PDE4D: variants seen among roughly 807,000 people sequenced by gnomAD.
PDE4D encodes the protein phosphodiesterase 4D.
In PDE4D, 24 loss-of-function variants were observed where a neutral mutation model predicts 87.4. The observed-to-expected ratio is 0.27, with a 90% CI of 0.20 to 0.39. The LOEUF (loss-of-function observed/expected upper bound fraction) is 0.39, where lower values mean the gene tolerates loss of function less well. PDE4D is among the 10% of genes least tolerant of loss of function. The pLI is 1.00. For synonymous variants in PDE4D, 384 were observed against 383.2 expected (o/e 1.00, Z -0.02); for missense variants, 714 against 1,041.0 (o/e 0.69, Z 4.32).
intron 2 of PDE4D, among the ~76,000 whole-genome samples, chr5:60,088,162 C>T (rs1042803030): frequency 1.3e-5 from 2 of 151,618 alleles, no homozygotes; most frequent in African/African-American, 4.8e-5. Flanking sequence ...GAAAACTATC[C>T]TTTAAACAGG....
At chr5:60,035,838 A>T (rs1411481447) in intron 2 of PDE4D, among the ~76,000 whole-genome samples, 1 of 152,186 alleles carries the variant, frequency 6.6e-6, no homozygotes, top group Non-Finnish European at 1.5e-5. Flanking sequence ...CTAAAAACTC[A>T]ATACCAAGCT....
At chr5:59,972,457 G>A (rs1374081579) in intron 3 of PDE4D, among the ~76,000 whole-genome samples, 5 of 152,198 alleles carry the variant, frequency 3.3e-5, no homozygotes, top group Admixed American at 6.5e-5. Flanking sequence ...CAAAGGATCC[G>A]GCTTGTCAGC....
intron 1 of PDE4D, among the ~76,000 whole-genome samples, chr5:59,547,287 C>G (rs1238749590): frequency 6.6e-6 from 1 of 151,962 alleles, no homozygotes; most frequent in East Asian, 1.9e-4. Context: ...CTATGAACTT[C>G]TATCAGTTTT....
chr5:60,462,323 A>C (rs563369799), intron 1 of PDE4D, among the ~76,000 whole-genome samples: 1 of 152,138 alleles, frequency 6.6e-6, no homozygotes, highest in South Asian at 2.1e-4. Flanking sequence ...ATGGGCAGCT[A>C]GTGGATGTGG....
intron 1 of PDE4D, among the ~76,000 whole-genome samples, chr5:59,878,058 A>G (rs1394537338): frequency 6.6e-6 from 1 of 152,152 alleles, no homozygotes; most frequent in Non-Finnish European, 1.5e-5. Flanking sequence ...TTAGAGAGAG[A>G]GGGCAGAACA....
intron 1 of PDE4D, among the ~76,000 whole-genome samples, chr5:59,712,195 A>G (rs1003226767): frequency 2.6e-5 from 4 of 151,762 alleles, no homozygotes; most frequent in African/African-American, 9.7e-5. Context: ...AGAGCAGTCC[A>G]TAAGTAAAGA....
At chr5:58,994,138 A>C (rs1748602080) in intron 6 of PDE4D, among the ~76,000 whole-genome samples, 1 of 152,208 alleles carries the variant, frequency 6.6e-6, no homozygotes, top group Non-Finnish European at 1.5e-5. Context: ...TAAGAGTATA[A>C]CACTTATTGT....
intron 1 of PDE4D, among the ~76,000 whole-genome samples, chr5:60,420,518 C>T (rs1387282549): frequency 6.6e-6 from 1 of 152,196 alleles, no homozygotes; most frequent in Non-Finnish European, 1.5e-5. Flanking sequence ...GGCATGATAA[C>T]ACATTGTCCA....
intron 1 of PDE4D, among the ~76,000 whole-genome samples, chr5:60,327,908 GT>G (rs1309510061): frequency 3.3e-5 from 5 of 152,052 alleles, no homozygotes; most frequent in African/African-American, 7.2e-5. Flanking sequence ...TGATTTTTAT[GT>G]TTTTTCTACA....
chr5:59,222,952 CTT>C (rs537200992), intron 1 of PDE4D, among the ~76,000 whole-genome samples: 57 of 152,278 alleles, frequency 3.7e-4, no homozygotes, highest in Admixed American at 3.0e-3. Context: ...TTTTATTACT[CTT>C]TTTCTCCCAG....
intron 1 of PDE4D, among the ~76,000 whole-genome samples, chr5:59,853,337 G>T (rs566289749): frequency 9.2e-5 from 14 of 152,144 alleles, no homozygotes; most frequent in African/African-American, 2.9e-4. Context: ...CACAATTTGA[G>T]ATTGAAAATA....
At chr5:60,201,797 T>C (rs1741945913) in intron 1 of PDE4D, among the ~76,000 whole-genome samples, 1 of 152,190 alleles carries the variant, frequency 6.6e-6, no homozygotes, top group African/African-American at 2.4e-5. Flanking sequence ...ATTATAATAA[T>C]TGATACTGGC....
At chr5:59,123,711 C>T (rs896019010) in intron 5 of PDE4D, among the ~76,000 whole-genome samples, 4 of 152,034 alleles carry the variant, frequency 2.6e-5, no homozygotes, top group Admixed American at 1.3e-4. Flanking sequence ...AAAAAGTATG[C>T]CATTGTAAAT....
intron 1 of PDE4D, among the ~76,000 whole-genome samples, chr5:60,512,214 C>T (rs969958375): frequency 1.3e-5 from 2 of 152,208 alleles, no homozygotes; most frequent in Admixed American, 6.5e-5. Context: ...CAAGTTCAAG[C>T]AAAATATATG....
chr5:60,306,980 C>A (rs1754556242), intron 1 of PDE4D, among the ~76,000 whole-genome samples: 1 of 152,014 alleles, frequency 6.6e-6, no homozygotes, highest in South Asian at 2.1e-4. Flanking sequence ...TACGTTGTTG[C>A]AAAACTATTT....
At chr5:59,626,110 T>TA (rs1466921886) in intron 1 of PDE4D, among the ~76,000 whole-genome samples, 3 of 151,742 alleles carry the variant, frequency 2.0e-5, no homozygotes, top group Admixed American at 6.6e-5. Context: ...CAAAACAAAA[T>TA]AAAAAAAACC....
intron 1 of PDE4D, among the ~76,000 whole-genome samples, chr5:59,876,011 C>T (rs1365097712): frequency 6.6e-6 from 1 of 152,066 alleles, no homozygotes; most frequent in Non-Finnish European, 1.5e-5. Context: ...CTAATAGATG[C>T]TAGGCTTAAT....
chr5:59,778,693 G>C (rs1764312345), intron 1 of PDE4D, among the ~76,000 whole-genome samples: 1 of 152,140 alleles, frequency 6.6e-6, no homozygotes, highest in African/African-American at 2.4e-5. Context: ...TACTTTAAAT[G>C]CTGGGAATAT....
intron 1 of PDE4D, among the ~76,000 whole-genome samples, chr5:59,332,288 C>A (rs1427062026): frequency 2.0e-5 from 3 of 151,988 alleles, no homozygotes; most frequent in Non-Finnish European, 4.4e-5. Flanking sequence ...TAAACAATTA[C>A]AATATGTATG....
Sources: gnomAD v4.1 joint callset for allele counts (sites outside exome capture counted in the v4.1 genomes callset) on GRCh38, gnomAD v4.1.1 for gene constraint, MANE v1.5 for transcripts, NCBI Gene and HGNC (gene_info 2026-07-23, HGNC 2026-07-21) for gene names.